Variants in SORL1 observed in about 807,000 individuals in gnomAD.
SORL1 encodes sortilin-related receptor.
SORL1 carries 127 observed loss-of-function variants against 273.7 expected under a neutral mutation model. That is an observed-to-expected ratio of 0.46 (90% CI 0.40 to 0.54). The LOEUF (loss-of-function observed/expected upper bound fraction) is 0.54, where lower values mean the gene tolerates loss of function less well. SORL1 is among the 20% of genes least tolerant of loss of function. The pLI is 0.00. For missense variants in SORL1, 2,494 were observed against 2,846.1 expected (o/e 0.88, Z 2.81); for synonymous variants, 1,031 against 1,067.4 (o/e 0.97, Z 0.66).
chr11:121,494,023 A>G (rs1334114847), intron 5 of SORL1, among the ~76,000 whole-genome samples: 3 of 152,208 alleles, frequency 2.0e-5, no homozygotes, highest in Non-Finnish European at 4.4e-5. Flanking sequence ...CCCTCTGCTC[A>G]AGGAGAACCA....
At chr11:121,625,357 TC>T in intron 46 of SORL1, 80 bp downstream of exon 46, 4 of 1,180,704 alleles carry the variant, frequency 3.4e-6, no homozygotes, top group Non-Finnish European at 4.8e-6. Flanking sequence ...TGACCATGTG[TC>T]TTTCTAAAAC....
intron 12 of SORL1, among the ~76,000 whole-genome samples, chr11:121,538,473 C>T (rs1006098519): frequency 6.6e-6 from 1 of 152,074 alleles, no homozygotes; most frequent in African/African-American, 2.4e-5. Context: ...TGAGATTTAT[C>T]AATCTTTTAA....
At position 121,589,277 on chromosome 11, in the gene SORL1, A is replaced by T; in HGVS notation, c.3965A>T (p.His1322Leu). ...TCTGTAGCCCAAGATCCTGAGTTCC[A>T]CAAGGTATGTGATGAGTTCGGTTTC... ...FAGCSQDPEFHKVCDEFGFQC... is the reference protein window; with the variant it reads ...FAGCSQDPEFLKVCDEFGFQC... Residue 1322 changes from histidine to leucine, a missense_variant, in exon 29 of 48, where the codon CAC (histidine) becomes CTC (leucine). His to Leu is a moderately conservative substitution (Grantham distance 99, BLOSUM62 -3). This residue lies in a region of SORL1 where 1,609 missense variants were observed against 1,816.4 expected (regional missense o/e 0.89). Transcript: ENST00000260197. The T allele has an allele frequency of 6.2e-7, 1 of 1,613,426 alleles. No homozygotes were observed.
Position 121,605,207 on chromosome 11 carries a change from C to T in SORL1, c.4746C>T (p.Pro1582=). ...TLTWMRPKKM[P]SASCVYNVYY... is the part of the protein sequence containing the mutation. ...CCTGGATGAGGCCCAAAAAAATGCC[C>T]TCTGCTTCTTGTGTATATAATGTCT... The change falls in exon 34 of 48, where the codon CCC becomes CCT. Residue 1582 remains proline, a synonymous_variant. Transcript: ENST00000260197. 6.2e-7 allele frequency: 1 copy of T among 1,613,836 alleles called. No individual in the cohort carries two copies. The highest frequency in any genetic ancestry group is 2.2e-5 in the East Asian group (1 of 44,886).
intron 12 of SORL1, among the ~76,000 whole-genome samples, chr11:121,538,447 C>T (rs1862298343): frequency 6.6e-6 from 1 of 152,116 alleles, no homozygotes; most frequent in Non-Finnish European, 1.5e-5. Context: ...GCTTCTTTTA[C>T]TCAGCATAAT....
chr11:121,522,951 G>A lies in SORL1; in HGVS notation c.1558G>A (p.Val520Met), dbSNP rs757312764. The change falls in exon 11 of 48, where the codon GTG (valine) becomes ATG (methionine). Residue 520 changes from valine to methionine, a missense_variant. Around this residue, in one of 3 missense-constraint regions of SORL1, gnomAD observed 710 missense variants for 882.5 expected, o/e 0.80. Coordinates refer to ENST00000260197, the MANE Select transcript of SORL1 (RefSeq NM_003105.6). ...AAAGAACTTGGCTAGCAAGACAAAC[G>A]TGTACATCTCTAGCAGTGCTGGAGC... ...VGKNLASKTN[V>M]YISSSAGARW... is the part of the protein sequence containing the mutation. 38 of 1,613,814 alleles carry A rather than the reference G, an allele frequency of 2.4e-5. No individual in the cohort carries two copies. The highest frequency in any genetic ancestry group is 3.3e-5 in the South Asian group (3 of 91,086).
intron 1 of SORL1, among the ~76,000 whole-genome samples, chr11:121,465,306 A>G (rs1269040526): frequency 6.6e-6 from 1 of 152,154 alleles, no homozygotes; most frequent in Non-Finnish European, 1.5e-5. Context: ...TTCACTTAGC[A>G]TATTGTTTGT....
At chr11:121,618,667 C>G in intron 41 of SORL1, 107 bp from the exon 42 acceptor site, 1 of 1,350,988 alleles carries the variant, frequency 7.4e-7, no homozygotes. Context: ...GAAGACTTCT[C>G]TGTGAGCTCT....
At chr11:121,585,155 T>C (rs1863075040) in intron 26 of SORL1, among the ~76,000 whole-genome samples, 1 of 152,224 alleles carries the variant, frequency 6.6e-6, no homozygotes. Flanking sequence ...ATATTGTGCT[T>C]TTTCTATTCA....
At chr11:121,495,874 T>C (rs949662874) in intron 5 of SORL1, among the ~76,000 whole-genome samples, 1 of 152,168 alleles carries the variant, frequency 6.6e-6, no homozygotes, top group South Asian at 2.1e-4. Context: ...TAGGGTAAAA[T>C]GAAATCTAAG....
chr11:121,627,482 G>C lies in SORL1; in HGVS notation c.6365-73G>C, dbSNP rs573817303. 1 of 1,258,228 alleles carries C rather than the reference G, an allele frequency of 7.9e-7. No homozygotes were observed. Among genetic ancestry groups the C allele is most frequent in the East Asian group, 2.3e-5 (1 of 43,142 alleles). The allele number at this position is 1,258,228 out of a possible 1,614,324, so 77.9% of individuals were successfully genotyped here. On this transcript the variant is annotated intron_variant, in intron 46 of 47. Transcript: ENST00000260197. The surrounding 1 kb of genome is among the most constrained non-coding windows in gnomAD (Gnocchi z 4.9). ...ATCGCCCAGCTTTTTTTGGTGGGTGGGGCCTTGAGGAGTCATCTGGTCTGT... is the reference window on the plus strand; with the variant it reads ...ATCGCCCAGCTTTTTTTGGTGGGTGCGGCCTTGAGGAGTCATCTGGTCTGT...
At chr11:121,462,253 C>A (rs568985762) in intron 1 of SORL1, among the ~76,000 whole-genome samples, 63 of 152,168 alleles carry the variant, frequency 4.1e-4, no homozygotes, top group Non-Finnish European at 7.9e-4. Context: ...ATTCCACTTT[C>A]TCCTGGCCAC....
intron 25 of SORL1, among the ~76,000 whole-genome samples, chr11:121,583,216 G>A (rs1863037488): frequency 6.6e-6 from 1 of 152,150 alleles, no homozygotes; most frequent in African/African-American, 2.4e-5. Flanking sequence ...TTTTTAACGT[G>A]TGCATCTGTC....
intron 8 of SORL1, among the ~76,000 whole-genome samples, chr11:121,516,027 G>A (rs17125414): frequency 0.085 from 13,005 of 152,168 alleles, 732 homozygotes; most frequent in African/African-American, 0.15. Flanking sequence ...ATTTTTTTCC[G>A]TTAAAATCTG....
In SORL1 at chr11:121,621,231, T is replaced by G; in HGVS notation, c.6057T>G (p.Ile2019Met). 6.2e-7 allele frequency: 1 copy of G among 1,613,894 alleles called. No homozygotes were observed. Among genetic ancestry groups the G allele is most frequent in the Non-Finnish European group, 8.5e-7 (1 of 1,179,858 alleles). ...TGAGCAAAGATTCCAGCATAAAAATTACCACAGGTAAGCAGGAGAGAGGTT... is the reference window on the plus strand; with the variant it reads ...TGAGCAAAGATTCCAGCATAAAAATGACCACAGGTAAGCAGGAGAGAGGTT... Reference protein sequence around the residue: ...GNMSKDSSIKITTVSLSAPDA... With the variant: ...GNMSKDSSIKMTTVSLSAPDA... Residue 2019 changes from isoleucine to methionine, a missense_variant, in exon 44 of 48, where the codon ATT becomes ATG. By Grantham distance (10) the Ile-to-Met change is conservative. Around this residue, in one of 3 missense-constraint regions of SORL1, gnomAD observed 1,609 missense variants for 1,816.4 expected, o/e 0.89. Coordinates refer to ENST00000260197, the MANE Select transcript of SORL1 (RefSeq NM_003105.6).
At chr11:121,483,226 C>T (rs530702976) in intron 3 of SORL1, among the ~76,000 whole-genome samples, 23 of 152,312 alleles carry the variant, frequency 1.5e-4, no homozygotes, top group African/African-American at 2.6e-4. Context: ...GCTGTGACTA[C>T]GGGCCAGCGC....
chr11:121,480,432 T>C (rs1170618436), intron 3 of SORL1, among the ~76,000 whole-genome samples: 1 of 152,086 alleles, frequency 6.6e-6, no homozygotes, highest in Non-Finnish European at 1.5e-5. Context: ...ACTTACCTGA[T>C]GCTGATGATG....
chr11:121,469,206 A>G (rs1861134582), intron 1 of SORL1, among the ~76,000 whole-genome samples: 1 of 152,180 alleles, frequency 6.6e-6, no homozygotes, highest in African/African-American at 2.4e-5. Context: ...GGCCAGGCCG[A>G]TAGTGGCCCT....
intron 6 of SORL1, among the ~76,000 whole-genome samples, chr11:121,498,380 A>G (rs556703523): frequency 7.2e-5 from 11 of 152,288 alleles, no homozygotes; most frequent in African/African-American, 2.6e-4. Flanking sequence ...CCTTGTCTTC[A>G]GTTCTCCAGG....
Sources: allele counts gnomAD v4.1 joint callset (sites outside exome capture counted in the v4.1 genomes callset), GRCh38; gene constraint gnomAD v4.1.1; regional missense constraint gnomAD v4.1.1; non-coding constraint Gnocchi (gnomAD v3.1); transcripts MANE v1.5; gene names NCBI Gene and HGNC (gene_info 2026-07-23, HGNC 2026-07-21).